The following CRISPLD2 variants were observed in gnomAD, a reference collection of about 807,000 sequenced individuals.
CRISPLD2 encodes cysteine rich secretory protein LCCL domain containing 2.
CRISPLD2 carries 47 observed loss-of-function variants against 71.1 expected under a neutral mutation model. That is an observed-to-expected ratio of 0.66 (90% confidence interval 0.52 to 0.84). CRISPLD2 has a LOEUF of 0.84. Ranked by LOEUF, CRISPLD2 falls within the 40% of genes least tolerant of loss-of-function variation. The pLI, the probability that CRISPLD2 is intolerant of heterozygous loss-of-function variation, is 0.00. For missense variants in CRISPLD2, 830 were observed against 651.1 expected (o/e 1.27, Z -2.99); for synonymous variants, 317 against 250.1 (o/e 1.27, Z -2.52).
rs141887103 is a variant in CRISPLD2, at chr16:84,859,640, C to G, written c.709+4811C>G. On this transcript the variant is annotated intron_variant, in intron 6 of 14. Coordinates refer to ENST00000262424, the MANE Select transcript of CRISPLD2 (RefSeq NM_031476.4). ...TTTATAATTCAAATTAGTCTTTTGT[C>G]CACTCAATCTGGAAGTTTTCTGCTT... is the stretch of plus-strand genomic sequence containing the variant. 3.9e-4 allele frequency among the ~76,000 whole-genome samples: 60 copies of G among 152,308 alleles called. No homozygotes were observed. In the East Asian group the frequency reaches 0.01, roughly 25 times the overall value.
intron 11 of CRISPLD2, among the ~76,000 whole-genome samples, chr16:84,874,621 T>G (rs962952392): frequency 2.6e-5 from 4 of 152,214 alleles, no homozygotes; most frequent in African/African-American, 9.6e-5. Flanking sequence ...GACCATGCCT[T>G]TGTTTTGGGA....
intron 11 of CRISPLD2, among the ~76,000 whole-genome samples, chr16:84,876,373 G>C (rs1288686307): frequency 6.6e-6 from 1 of 151,840 alleles, no homozygotes; most frequent in Non-Finnish European, 1.5e-5. Context: ...GTGGTGGCAG[G>C]CACCTGTAAT....
intron 8 of CRISPLD2, 126 bp from the exon 9 acceptor site, chr16:84,872,316 G>T: frequency 2.5e-6 from 2 of 804,270 alleles, no homozygotes; most frequent in Non-Finnish European, 4.1e-6. Context: ...AAAAACAATG[G>T]AATCCACATG....
intron 5 of CRISPLD2, among the ~76,000 whole-genome samples, chr16:84,851,449 G>C (rs577259492): frequency 6.7e-6 from 1 of 150,140 alleles, no homozygotes; most frequent in Admixed American, 6.6e-5. Flanking sequence ...GCCCTGTGTA[G>C]AGTGGGCCCC....
chr16:84,885,601 G>A (rs1049604765), intron 13 of CRISPLD2, among the ~76,000 whole-genome samples: 25 of 152,142 alleles, frequency 1.6e-4, no homozygotes. Flanking sequence ...GCCCTCATCC[G>A]TTTAGTTTAT....
At chr16:84,856,663 C>T (rs1344676432) in intron 6 of CRISPLD2, among the ~76,000 whole-genome samples, 1 of 152,158 alleles carries the variant, frequency 6.6e-6, no homozygotes, top group Non-Finnish European at 1.5e-5. Context: ...TGATTGAGGG[C>T]ATACATGGCC....
At position 84,849,424 on chromosome 16, in the gene CRISPLD2, C is replaced by G. The variant is rs146382941; in HGVS notation, c.399C>G (p.Asp133Glu). 1.2e-6 allele frequency: 2 copies of G among 1,614,074 alleles called. No individual in the cohort carries two copies. Among genetic ancestry groups the G allele is most frequent in the South Asian group, 1.1e-5 (1 of 91,082 alleles). The change falls in exon 4 of 15, where the codon GAC (aspartate) becomes GAG (glutamate). Residue 133 changes from aspartate to glutamate, a missense_variant. Asp to Glu is a conservative substitution (Grantham distance 45, BLOSUM62 2). Coordinates refer to ENST00000262424, the MANE Select transcript of CRISPLD2 (RefSeq NM_031476.4). Reference sequence around the variant, plus strand: ...GGTTCCATGTGCAGTCCTGGTATGACGAGGTGAAGGACTACACCTACCCCT... The same window carrying G: ...GGTTCCATGTGCAGTCCTGGTATGAGGAGGTGAAGGACTACACCTACCCCT... ...SPGFHVQSWY[D>E]EVKDYTYPYP...
chr16:84,847,524 G>A (rs1916948671), intron 3 of CRISPLD2, among the ~76,000 whole-genome samples: 3 of 151,986 alleles, frequency 2.0e-5, no homozygotes, highest in Admixed American at 6.6e-5. Context: ...GGTGGCAGGC[G>A]CCTGTCATCC....
rs150582176 is a variant in CRISPLD2, at chr16:84,880,513, C to A, written c.1234C>A (p.His412Asn). ...EKPATHCPRI[H>N]CPAHCKDEPS... ...TAAATGCTTCCTGTTTTTCAGAATC[C>A]ATTGTCCGGCACACTGCAAAGACGA... Residue 412 changes from histidine (H) to asparagine (N), a missense_variant, in exon 13 of 15, where the codon CAT (histidine) becomes AAT (asparagine). Coordinates refer to ENST00000262424, the MANE Select transcript of CRISPLD2 (RefSeq NM_031476.4). 2 of 1,610,774 alleles carry A rather than the reference C, an allele frequency of 1.2e-6. No homozygotes were observed. The highest frequency in any genetic ancestry group is 1.7e-6 in the Non-Finnish European group (2 of 1,178,094).
intron 14 of CRISPLD2, among the ~76,000 whole-genome samples, chr16:84,893,491 C>G (rs1044279547): frequency 6.6e-6 from 1 of 152,234 alleles, no homozygotes; most frequent in Non-Finnish European, 1.5e-5. Flanking sequence ...GCATCATACA[C>G]TTAGGGAGCG....
intron 2 of CRISPLD2, 48 bp from the exon 3 acceptor site, chr16:84,845,738 C>T (rs747835060): frequency 3.2e-6 from 4 of 1,269,776 alleles, no homozygotes; most frequent in African/African-American, 1.5e-5. Context: ...GTTCTTATGC[C>T]CCTCCCTCAC....
At chr16:84,825,650 G>T (rs1482380972) in intron 1 of CRISPLD2, among the ~76,000 whole-genome samples, 1 of 152,090 alleles carries the variant, frequency 6.6e-6, no homozygotes, top group African/African-American at 2.4e-5. Flanking sequence ...CAGCTACTTG[G>T]GAGGCTGAGG....
intron 14 of CRISPLD2, among the ~76,000 whole-genome samples, chr16:84,896,347 C>A (rs1030861365): frequency 5.9e-5 from 9 of 151,886 alleles, no homozygotes; most frequent in African/African-American, 1.7e-4. Flanking sequence ...CCGTGCCCAG[C>A]CAGGATTGGA....
intron 14 of CRISPLD2, among the ~76,000 whole-genome samples, chr16:84,897,078 G>A (rs2071712724): frequency 6.6e-6 from 1 of 152,362 alleles, no homozygotes; most frequent in African/African-American, 2.4e-5. Flanking sequence ...CCTCTAGGAG[G>A]GAGCCCCGTG....
intron 13 of CRISPLD2, among the ~76,000 whole-genome samples, chr16:84,884,224 G>C (rs909314227): frequency 6.6e-6 from 1 of 152,150 alleles, no homozygotes; most frequent in African/African-American, 2.4e-5. Context: ...TGCTGGCTCC[G>C]GGTGGCAGTC....
chr16:84,859,356 G>T (rs1264847566), intron 6 of CRISPLD2, among the ~76,000 whole-genome samples: 1 of 152,174 alleles, frequency 6.6e-6, no homozygotes, highest in Non-Finnish European at 1.5e-5. Flanking sequence ...GGGTCCCCTG[G>T]AGTCAACACC....
intron 14 of CRISPLD2, among the ~76,000 whole-genome samples, chr16:84,900,226 A>G (rs2071741414): frequency 6.6e-6 from 1 of 152,014 alleles, no homozygotes; most frequent in Non-Finnish European, 1.5e-5. Flanking sequence ...AGGGTAGCCA[A>G]AAGTGTGAAG....
rs199804508 is a variant in CRISPLD2, at chr16:84,860,665, C to T, written c.709+5836C>T. ...GTTTCTTCTGGCAAAAAAGGTTTAT[C>T]AGCATTTACAAGCTCAGTGTCCCTA... On this transcript the variant is annotated intron_variant, in intron 6 of 14. Coordinates refer to ENST00000262424, the MANE Select transcript of CRISPLD2 (RefSeq NM_031476.4). Among the ~76,000 whole-genome samples, 4 of 152,206 alleles carry T rather than the reference C, an allele frequency of 2.6e-5. No individual in the cohort carries two copies. The East Asian group carries it at 5.8e-4, about 22-fold the overall frequency.
At position 84,906,679 on chromosome 16, in the gene CRISPLD2, G is replaced by A. The variant is rs1416116431; in HGVS notation, c.*37G>A. ...CAGGGGAGAAGGGGCGTCTTCAGGA[G>A]GGCTTCGGGGTTTTGCTTTTATTTT... On this transcript the variant is annotated 3_prime_UTR_variant, in exon 15 of 15. Transcript: ENST00000262424. 2.5e-6 allele frequency: 4 copies of A among 1,611,690 alleles called. No homozygotes were observed. The highest frequency in any genetic ancestry group is 1.3e-5 in the African/African-American group (1 of 74,986).
Sources: allele counts gnomAD v4.1 joint callset (sites outside exome capture counted in the v4.1 genomes callset), GRCh38; gene constraint gnomAD v4.1.1; transcripts MANE v1.5; gene names NCBI Gene and HGNC (gene_info 2026-07-23, HGNC 2026-07-21).